NTRK2: variants seen among roughly 807,000 people sequenced by gnomAD.
NTRK2 encodes the protein neurotrophic receptor tyrosine kinase 2, also known as BDNF/NT-3 growth factors receptor.
NTRK2 carries 13 observed loss-of-function variants against 94.5 expected under a neutral mutation model. That is an observed-to-expected ratio of 0.14 (90% CI 0.09 to 0.22). The LOEUF is 0.22. Among genes scored for constraint, NTRK2 ranks in the 10% least tolerant of loss-of-function variants. The pLI is 1.00. For missense variants in NTRK2, 639 were observed against 1,071.2 expected (o/e 0.60, Z 5.63); for synonymous variants, 372 against 407.4 (o/e 0.91, Z 1.05).
At chr9:84,948,405 A>G in intron 15 of NTRK2, 57 bp from the exon 16 acceptor site, 2 of 1,546,308 alleles carry the variant, frequency 1.3e-6, no homozygotes, top group South Asian at 1.1e-5. Context: ...TGTCTTTCCT[A>G]TCTCAGTATC....
At chr9:84,818,043 A>G (rs1476315239) in intron 12 of NTRK2, among the ~76,000 whole-genome samples, 5 of 152,206 alleles carry the variant, frequency 3.3e-5, no homozygotes, top group Non-Finnish European at 4.4e-5. Context: ...CACAGGACCT[A>G]AGAGATAATG....
At chr9:84,746,379 G>T (rs2064072906) in intron 11 of NTRK2, among the ~76,000 whole-genome samples, 1 of 152,000 alleles carries the variant, frequency 6.6e-6, no homozygotes, top group Non-Finnish European at 1.5e-5. Context: ...ACTTACTTCT[G>T]GCCCTTTACA....
chr9:84,821,269 T>A (rs2072803017), intron 12 of NTRK2, among the ~76,000 whole-genome samples: 1 of 151,966 alleles, frequency 6.6e-6, no homozygotes, highest in African/African-American at 2.4e-5. Context: ...TTAGCTTGCA[T>A]GTTTATGTGT....
intron 12 of NTRK2, among the ~76,000 whole-genome samples, chr9:84,841,405 T>C (rs2074175692): frequency 6.6e-6 from 1 of 152,154 alleles, no homozygotes; most frequent in Admixed American, 6.6e-5. Flanking sequence ...CTATATTAGC[T>C]CTGCCTTCAA....
At chr9:84,706,514 A>ATTTTTTTTTTTT (rs1251771059) in intron 4 of NTRK2, among the ~76,000 whole-genome samples, 5 of 68,510 alleles carry the variant, frequency 7.3e-5, no homozygotes, top group Admixed American at 5.0e-4. Flanking sequence ...CATGTGTGTT[A>ATTTTTTTTTTTT]TTTTTTGTTT....
intron 12 of NTRK2, among the ~76,000 whole-genome samples, chr9:84,788,926 T>C (rs1439979444): frequency 2.6e-5 from 4 of 152,178 alleles, no homozygotes; most frequent in African/African-American, 9.7e-5. Flanking sequence ...TAGAGGTAAG[T>C]AGCGCATCCT....
Position 85,022,087 on chromosome 9 carries a change from G to A in NTRK2, c.*650G>A. The A allele has an allele frequency of 4.3e-6, 1 of 233,464 alleles. No homozygotes were observed. Among genetic ancestry groups the A allele is most frequent in the Non-Finnish European group, 8.5e-6 (1 of 118,218 alleles). The allele number at this position is 233,464 out of a possible 1,614,324, so 14.5% of individuals were successfully genotyped here. ...TTATCTATGGGAGATTAAAACCAGA[G>A]AGAAAGAAGATTTATTATGAACCGC... On this transcript the variant is annotated 3_prime_UTR_variant, in exon 19 of 19. Transcript: ENST00000277120.
intron 12 of NTRK2, chr9:84,813,694 T>C: frequency 9.4e-7 from 1 of 1,066,174 alleles, no homozygotes; most frequent in South Asian, 4.5e-5. Flanking sequence ...CCCTGGTTGG[T>C]CCTACTCCCG....
intron 17 of NTRK2, among the ~76,000 whole-genome samples, chr9:84,987,981 A>G (rs113446391): frequency 2.0e-4 from 31 of 152,340 alleles, no homozygotes; most frequent in African/African-American, 6.0e-4. Flanking sequence ...TTACCCATCA[A>G]TCAACAAGTG....
chr9:84,723,360 A>G (rs1462139309), intron 6 of NTRK2, among the ~76,000 whole-genome samples: 2 of 152,216 alleles, frequency 1.3e-5, no homozygotes, highest in Non-Finnish European at 2.9e-5. Flanking sequence ...AATGTGCATA[A>G]TTTATTTTGA....
intron 14 of NTRK2, among the ~76,000 whole-genome samples, chr9:84,929,344 T>A (rs1370809568): frequency 6.6e-6 from 1 of 152,184 alleles, no homozygotes; most frequent in East Asian, 1.9e-4. Flanking sequence ...CACATTTCCA[T>A]TCTGAAAAAT....
At chr9:84,785,174 A>G (rs149004010) in intron 12 of NTRK2, among the ~76,000 whole-genome samples, 1 of 152,178 alleles carries the variant, frequency 6.6e-6, no homozygotes, top group African/African-American at 2.4e-5. Context: ...TAAAAATGCA[A>G]ATCATATCAC....
At chr9:84,813,478 C>A in intron 12 of NTRK2, 2 of 1,065,226 alleles carry the variant, frequency 1.9e-6, no homozygotes, top group Non-Finnish European at 2.3e-6. Context: ...ATCCTTCTGT[C>A]TTCCCGTTGC....
chr9:84,695,073 A>C (rs11140735), intron 2 of NTRK2, among the ~76,000 whole-genome samples: 60 of 133,892 alleles, frequency 4.5e-4, no homozygotes, highest in Admixed American at 5.6e-4. Context: ...AAAAAAAAAA[A>C]ACACACAACA....
At chr9:84,819,128 T>C (rs546401556) in intron 12 of NTRK2, among the ~76,000 whole-genome samples, 16 of 152,310 alleles carry the variant, frequency 1.1e-4, no homozygotes, top group East Asian at 5.8e-4. Context: ...CTCTCTCTTT[T>C]AGAAATGTTT....
At chr9:84,986,301 T>G (rs557678739) in intron 17 of NTRK2, among the ~76,000 whole-genome samples, 199 of 152,292 alleles carry the variant, frequency 1.3e-3, no homozygotes, top group Middle Eastern at 3.4e-3. Context: ...GAAAACAATT[T>G]TTCCATGGAC....
At chr9:84,673,951 T>C (rs2131307253) in intron 2 of NTRK2, among the ~76,000 whole-genome samples, 1 of 152,358 alleles carries the variant, frequency 6.6e-6, no homozygotes, top group East Asian at 1.9e-4. Context: ...GCAGTACCAA[T>C]GTCACATGCA....
At chr9:85,008,671 T>C (rs1831234527) in intron 17 of NTRK2, among the ~76,000 whole-genome samples, 1 of 152,072 alleles carries the variant, frequency 6.6e-6, no homozygotes. Context: ...CAAAATCACA[T>C]GGAAAGTCGT....
intron 15 of NTRK2, among the ~76,000 whole-genome samples, chr9:84,944,215 T>TCACA (rs56021326): frequency 0.013 from 1,506 of 120,302 alleles, 12 homozygotes; most frequent in African/African-American, 0.031. Flanking sequence ...TCTCTCTCTC[T>TCACA]CACACACACA....
Sources: gnomAD v4.1 joint callset for allele counts (sites outside exome capture counted in the v4.1 genomes callset) on GRCh38, gnomAD v4.1.1 for gene constraint, MANE v1.5 for transcripts, NCBI Gene and HGNC (gene_info 2026-07-23, HGNC 2026-07-21) for gene names.